Variants in VIPR1 observed in about 807,000 individuals in gnomAD.
VIPR1 encodes the protein vasoactive intestinal peptide receptor 1, also known as vasoactive intestinal polypeptide receptor 1.
In VIPR1, 59 loss-of-function variants were observed where a neutral mutation model predicts 58.8. The observed-to-expected ratio is 1.00, with a 90% CI of 0.81 to 1.25. The LOEUF is 1.25. VIPR1 is among the 50% of genes most tolerant of loss of function. The pLI is 0.00. For missense variants in VIPR1, 626 were observed against 602.7 expected (o/e 1.04, Z -0.40); for synonymous variants, 251 against 242.1 (o/e 1.04, Z -0.34).
chr3:42,497,296 C>G (rs6773544), intron 1 of VIPR1, among the ~76,000 whole-genome samples: 301 of 152,300 alleles, frequency 2.0e-3, no homozygotes, highest in African/African-American at 7.0e-3. Context: ...CTCTGCCCTT[C>G]CTACCTTGAA....
At chr3:42,492,854 C>T (rs1363017595) in intron 1 of VIPR1, among the ~76,000 whole-genome samples, 2 of 152,208 alleles carry the variant, frequency 1.3e-5, no homozygotes, top group Non-Finnish European at 2.9e-5. Flanking sequence ...CCCTGGACAC[C>T]AGGCCCCAGC....
At chr3:42,520,072 A>G (rs1435003470) in intron 3 of VIPR1, among the ~76,000 whole-genome samples, 1 of 152,258 alleles carries the variant, frequency 6.6e-6, no homozygotes, top group Admixed American at 6.5e-5. Flanking sequence ...CCCCTCTCTG[A>G]GGAGGTGACA....
At chr3:42,521,626 T>G (rs1430559204) in intron 3 of VIPR1, 1 of 152,104 alleles carries the variant, frequency 6.6e-6, no homozygotes, top group African/African-American at 2.4e-5. Flanking sequence ...ATAAAAATTG[T>G]GGAGAGTTAG....
chr3:42,513,265 T>C (rs1700448768), intron 1 of VIPR1: 1 of 152,664 alleles, frequency 6.6e-6, no homozygotes, highest in African/African-American at 2.4e-5. Flanking sequence ...AGCTGGAAAA[T>C]ACAGCTAGAC....
intron 10 of VIPR1, chr3:42,533,567 G>A (rs772237567): frequency 1.3e-5 from 2 of 152,172 alleles, no homozygotes; most frequent in Non-Finnish European, 2.9e-5. Context: ...AACAGAGCTG[G>A]CCATGGTCAG....
Position 42,530,786 on chromosome 3 carries a change from G to A in VIPR1, c.644G>A (p.Cys215Tyr), listed in dbSNP as rs199646167. ...SDQCSEGSVG[C>Y]KAAMVFFQYC... ...TTTCTCCTCCCCCTGCAGGTGGGCT[G>A]TAAGGCAGCCATGGTCTTTTTCCAA... Residue 215 changes from cysteine to tyrosine, a missense_variant, in exon 7 of 13, where the codon TGT (cysteine) becomes TAT (tyrosine). Transcript: ENST00000325123. 65 of 1,613,906 alleles carry A rather than the reference G, an allele frequency of 4.0e-5. No individual in the cohort carries two copies. Among genetic ancestry groups the A allele is most frequent in the Admixed American group, 1.2e-4 (7 of 60,000 alleles).
chr3:42,519,125 C>A, intron 2 of VIPR1, 98 bp from the exon 3 acceptor site: 1 of 985,586 alleles, frequency 1.0e-6, no homozygotes, highest in Non-Finnish European at 1.4e-6. Flanking sequence ...GGGAGCCTGG[C>A]AGAGGGAGGA....
Position 42,536,432 on chromosome 3 carries a change from T to G in VIPR1, c.*151T>G. The G allele has an allele frequency of 1.3e-6, 1 of 797,476 alleles. No homozygotes were observed. Among genetic ancestry groups the G allele is most frequent in the Non-Finnish European group, 1.9e-6 (1 of 538,170 alleles). The allele number at this position is 797,476 out of a possible 1,614,324, so 49.4% of individuals were successfully genotyped here. ...GCCCCCTGGTCTCTGGTCCGGACAC[T>G]CCTAGAGAACGCAGCCCTAGAGCCT... On this transcript the variant is annotated 3_prime_UTR_variant, in exon 13 of 13. Transcript: ENST00000325123.
In VIPR1 at chr3:42,527,984, C is replaced by G; in HGVS notation, c.504-7C>G. Reference sequence around the variant, plus strand: ...TTTGGCCTCCCAGATCTGCCCACCCCACACAGGAAGCTCCACTGCACGCGG... The same window carrying G: ...TTTGGCCTCCCAGATCTGCCCACCCGACACAGGAAGCTCCACTGCACGCGG... On this transcript the variant is annotated splice_polypyrimidine_tract_variant and splice_region_variant and intron_variant, in intron 5 of 12. Transcript: ENST00000325123. 2 of 1,613,604 alleles carry G rather than the reference C, an allele frequency of 1.2e-6. No individual in the cohort carries two copies. The highest frequency in any genetic ancestry group is 1.7e-6 in the Non-Finnish European group (2 of 1,179,696).
Position 42,521,998 on chromosome 3 carries a change from A to C in VIPR1, c.292+2668A>C, listed in dbSNP as rs1290563808. Among the ~76,000 whole-genome samples, 3 of 146,198 alleles carry C rather than the reference A, an allele frequency of 2.1e-5. No individual in the cohort carries two copies. In the Admixed American group the frequency reaches 2.1e-4, roughly 10 times the overall value. ...CCTGACCTCATGATCCTCCCACCTC[A>C]GCCTCCCAAAGTGCTGGGATTACAG... On this transcript the variant is annotated intron_variant, in intron 3 of 12. Coordinates refer to ENST00000325123, the MANE Select transcript of VIPR1 (RefSeq NM_004624.4).
At chr3:42,526,125 C>A in intron 4 of VIPR1, 132 bp downstream of exon 4, 1 of 846,168 alleles carries the variant, frequency 1.2e-6, no homozygotes, top group Non-Finnish European at 1.8e-6. Flanking sequence ...CCTCCTCTAG[C>A]CTCCTCCAGG....
At chr3:42,523,220 G>A (rs1446026458) in intron 3 of VIPR1, among the ~76,000 whole-genome samples, 4 of 152,174 alleles carry the variant, frequency 2.6e-5, no homozygotes, top group Admixed American at 2.6e-4. Flanking sequence ...ACTCTTGGCT[G>A]CTTCTTGGGA....
At position 42,527,444 on chromosome 3, in the gene VIPR1, G is replaced by T; in HGVS notation, c.451G>T (p.Gly151Cys). The stretch of plus-strand genomic sequence containing the variant: ...GAAGACCGGCTACACCATTGGCTAC[G>T]GCCTGTCCCTCGCCACCCTTCTGGT... ...SVKTGYTIGY[G>C]LSLATLLVAT... Residue 151 changes from glycine to cysteine, a missense_variant, in exon 5 of 13, where the codon GGC (glycine) becomes TGC (cysteine). Gly to Cys is a radical substitution (Grantham distance 159, BLOSUM62 -3). Coordinates refer to ENST00000325123, the MANE Select transcript of VIPR1 (RefSeq NM_004624.4). 1 of 1,613,814 alleles carries T rather than the reference G, an allele frequency of 6.2e-7. No homozygotes were observed. The highest frequency in any genetic ancestry group is 8.5e-7 in the Non-Finnish European group (1 of 1,179,940).
upstream of VIPR1, among the ~76,000 whole-genome samples, chr3:42,498,884 C>G (rs1490293478): frequency 6.6e-6 from 1 of 152,156 alleles, no homozygotes; most frequent in African/African-American, 2.4e-5. Flanking sequence ...GGGAATATTT[C>G]TTCTTTAAAT....
intron 1 of VIPR1, among the ~76,000 whole-genome samples, chr3:42,490,536 T>A (rs1006318434): frequency 6.6e-6 from 1 of 152,136 alleles, no homozygotes; most frequent in Non-Finnish European, 1.5e-5. Flanking sequence ...CTCCCCTTCC[T>A]TGGCACCTGG....
At chr3:42,505,449 C>T (rs1035698911) in intron 1 of VIPR1, among the ~76,000 whole-genome samples, 1 of 152,250 alleles carries the variant, frequency 6.6e-6, no homozygotes, top group Non-Finnish European at 1.5e-5. Flanking sequence ...GCTGCCCCTG[C>T]CACCTGCCTC....
chr3:42,522,641 T>C (rs764034670), intron 3 of VIPR1, among the ~76,000 whole-genome samples: 30 of 151,662 alleles, frequency 2.0e-4, no homozygotes, highest in Non-Finnish European at 3.8e-4. Flanking sequence ...AGCAGGAGAG[T>C]TCCATGGTCA....
At chr3:42,499,734 C>T (rs976041289), upstream of VIPR1, among the ~76,000 whole-genome samples, 1 of 152,106 alleles carries the variant, frequency 6.6e-6, no homozygotes, top group African/African-American at 2.4e-5. Flanking sequence ...CACAGGCTTC[C>T]CACTCCCTCA....
At chr3:42,503,194 A>G (rs978886997) in intron 1 of VIPR1, among the ~76,000 whole-genome samples, 4 of 152,006 alleles carry the variant, frequency 2.6e-5, no homozygotes, top group Non-Finnish European at 5.9e-5. Context: ...CGTAGGTGAG[A>G]GGGAGGATGT....
Sources: gnomAD v4.1 joint callset for allele counts (sites outside exome capture counted in the v4.1 genomes callset) on GRCh38, gnomAD v4.1.1 for gene constraint, MANE v1.5 for transcripts, NCBI Gene and HGNC (gene_info 2026-07-23, HGNC 2026-07-21) for gene names.